IDO2: variants seen among roughly 807,000 people sequenced by gnomAD.
The protein encoded by IDO2 is indoleamine 2,3-dioxygenase-like 1 protein.
In IDO2, 46 loss-of-function variants were observed where a neutral mutation model predicts 45.1. The ratio of observed to expected loss-of-function variants is 1.02; its 90% CI spans 0.80 to 1.30. IDO2 has a LOEUF of 1.30. IDO2 is among the 50% of genes most tolerant of loss of function. The pLI is 0.00. For missense variants in IDO2, 544 were observed against 491.8 expected (o/e 1.11, Z -1.00); for synonymous variants, 218 against 184.9 (o/e 1.18, Z -1.45).
chr8:39,982,618 G>C (rs771320904), intron 4 of IDO2, 34 bp from the exon 5 acceptor site: 3 of 1,373,422 alleles, frequency 2.2e-6, no homozygotes, highest in Non-Finnish European at 3.1e-6. Flanking sequence ...AAGCTTTCTA[G>C]AATATGCTAT....
At chr8:40,001,306 G>A (rs1261057073) in intron 8 of IDO2, among the ~76,000 whole-genome samples, 2 of 140,150 alleles carry the variant, frequency 1.4e-5, no homozygotes, top group Admixed American at 7.7e-5. Context: ...CTAGAGTGCA[G>A]TGGTGCGATC....
intron 2 of IDO2, among the ~76,000 whole-genome samples, chr8:39,959,793 T>C (rs1288243012): frequency 1.3e-5 from 2 of 152,098 alleles, no homozygotes; most frequent in African/African-American, 4.8e-5. Context: ...GCCTGAGCAA[T>C]AGGGTGAAAC....
intron 2 of IDO2, among the ~76,000 whole-genome samples, chr8:39,959,649 C>G (rs932816519): frequency 7.2e-5 from 11 of 152,014 alleles, no homozygotes; most frequent in African/African-American, 2.7e-4. Context: ...TGGCAAAACC[C>G]CATCTCTACT....
chr8:39,962,226 T>A (rs779793855), intron 2 of IDO2, among the ~76,000 whole-genome samples: 3 of 152,196 alleles, frequency 2.0e-5, no homozygotes, highest in Non-Finnish European at 4.4e-5. Flanking sequence ...TTTTCTTGCC[T>A]TAAGCCCCCA....
chr8:39,984,257 C>A (rs1306481743), intron 5 of IDO2, among the ~76,000 whole-genome samples: 2 of 152,130 alleles, frequency 1.3e-5, no homozygotes, highest in Non-Finnish European at 2.9e-5. Flanking sequence ...GGCAGGTCAC[C>A]TGAGATCAGG....
Position 40,013,559 on chromosome 8 carries a change from G to A in IDO2, c.720-6G>A. 1.2e-6 allele frequency: 2 copies of A among 1,611,558 alleles called. No homozygotes were observed. The highest frequency in any genetic ancestry group is 1.7e-6 in the Non-Finnish European group (2 of 1,178,940). ...CTTTCATCTCTCTCACTTTTCTCTT[G>A]CTTAGATGGAAAGACAACCCAGCAA... is the stretch of plus-strand genomic sequence containing the variant. On this transcript the variant is annotated splice_polypyrimidine_tract_variant and splice_region_variant and intron_variant, in intron 9 of 10. Transcript: ENST00000502986.
chr8:39,949,436 G>T (rs950754894), intron 2 of IDO2, among the ~76,000 whole-genome samples, 172 bp downstream of exon 2: 1 of 152,126 alleles, frequency 6.6e-6, no homozygotes, highest in African/African-American at 2.4e-5. Context: ...AAAGAGAAGT[G>T]ACAGATACCA....
chr8:39,955,847 TATA>T (rs942013428), intron 2 of IDO2, among the ~76,000 whole-genome samples: 1 of 152,194 alleles, frequency 6.6e-6, no homozygotes. Flanking sequence ...CTGTTTAATG[TATA>T]ATAATAATGT....
chr8:39,950,870 T>G (rs1242636609), intron 2 of IDO2, among the ~76,000 whole-genome samples: 1 of 152,168 alleles, frequency 6.6e-6, no homozygotes, highest in Non-Finnish European at 1.5e-5. Flanking sequence ...TGTCCAGACA[T>G]GCCGGAGCAA....
chr8:39,982,742 A>G (rs1276982886), exon 5 of IDO2: 1 of 1,605,240 alleles, frequency 6.2e-7, no homozygotes, highest in East Asian at 2.2e-5. Flanking sequence ...CTTGGTGCTG[A>G]CGAACTGGAC....
chr8:39,959,680 A>G (rs888545582), intron 2 of IDO2, among the ~76,000 whole-genome samples: 9 of 152,060 alleles, frequency 5.9e-5, no homozygotes, highest in South Asian at 2.1e-4. Flanking sequence ...AAAATTAGCC[A>G]GGCATGGTGA....
intron 9 of IDO2, among the ~76,000 whole-genome samples, chr8:40,006,607 C>T (rs1343745083): frequency 6.6e-6 from 1 of 151,898 alleles, no homozygotes; most frequent in Non-Finnish European, 1.5e-5. Flanking sequence ...TCTTTTGTCA[C>T]ATGGCTTGAA....
At position 39,962,673 on chromosome 8, in the gene IDO2, C is replaced by G. The variant is rs533483267; in HGVS notation, c.100-935C>G. On this transcript the variant is annotated intron_variant, in intron 2 of 10. Coordinates refer to ENST00000502986, the Ensembl canonical transcript of IDO2. ...AAGAGAGGGGTTTCACCAGCAGTCTCCCACCTCACAATGGAGCACCAGGAC... is the reference window on the plus strand; with the variant it reads ...AAGAGAGGGGTTTCACCAGCAGTCTGCCACCTCACAATGGAGCACCAGGAC... Among the ~76,000 whole-genome samples the G allele has an allele frequency of 1.9e-4, 29 of 152,224 alleles. No homozygotes were observed. In the East Asian group the frequency reaches 5.2e-3, roughly 27 times the overall value.
At chr8:39,949,178 A>C in exon 2 of IDO2, 1 of 1,608,220 alleles carries the variant, frequency 6.2e-7, no homozygotes, top group Non-Finnish European at 8.5e-7. Flanking sequence ...GGAGCCCCAC[A>C]GACCGAATGT....
intron 3 of IDO2, among the ~76,000 whole-genome samples, chr8:39,976,921 A>T (rs1370897147): frequency 6.6e-6 from 1 of 152,226 alleles, no homozygotes; most frequent in Non-Finnish European, 1.5e-5. Flanking sequence ...ATGTCCTCAA[A>T]GTCATTTACA....
chr8:39,950,361 G>C (rs763761184), intron 2 of IDO2, among the ~76,000 whole-genome samples: 1 of 152,028 alleles, frequency 6.6e-6, no homozygotes, highest in African/African-American at 2.4e-5. Context: ...GTGAAACCCC[G>C]TCTCTACTAA....
intron 1 of IDO2, among the ~76,000 whole-genome samples, chr8:39,945,335 T>G (rs1306795935): frequency 6.6e-6 from 1 of 152,256 alleles, no homozygotes. Context: ...TTTGGCTTCA[T>G]GCCCCTTCAT....
chr8:39,998,467 C>A (rs1401019822), intron 8 of IDO2: 1 of 152,064 alleles, frequency 6.6e-6, no homozygotes, highest in Non-Finnish European at 1.5e-5. Flanking sequence ...TGCAGAAGCA[C>A]GTGTCATACA....
At chr8:39,953,193 G>T (rs1807836784) in intron 2 of IDO2, among the ~76,000 whole-genome samples, 1 of 152,004 alleles carries the variant, frequency 6.6e-6, no homozygotes. Context: ...TGAGCCACAG[G>T]GCCAGGCCTG....
Sources: gnomAD v4.1 joint callset for allele counts (sites outside exome capture counted in the v4.1 genomes callset) on GRCh38, gnomAD v4.1.1 for gene constraint, MANE v1.5 for transcripts, NCBI Gene and HGNC (gene_info 2026-07-23, HGNC 2026-07-21) for gene names.